RPS6KC1: variants seen among roughly 807,000 people sequenced by gnomAD.
RPS6KC1 encodes the protein ribosomal protein S6 kinase C1.
In RPS6KC1, 54 loss-of-function variants were observed where a neutral mutation model predicts 103.8. The ratio of observed to expected loss-of-function variants is 0.52; its 90% CI spans 0.42 to 0.65. RPS6KC1 has a LOEUF of 0.65. Among genes scored for constraint, RPS6KC1 ranks in the 30% least tolerant of loss-of-function variants. The pLI is 0.00. For missense variants in RPS6KC1, 1,151 were observed against 1,253.8 expected, an observed-to-expected ratio of 0.92 and a Z score of 1.24; for synonymous variants, 439 against 438.7, an observed-to-expected ratio of 1.00 and a Z score of -0.01.
chr1:213,626,055 A>G, the RPS6KC1 span, among the ~76,000 whole-genome samples: 1 of 152,158 alleles, frequency 6.6e-6, no homozygotes, highest in African/African-American at 2.4e-5. Context: ...AACAGTGTAA[A>G]AGTGTTCCTA....
At chr1:213,778,273 A>G in the RPS6KC1 span, among the ~76,000 whole-genome samples, 1 of 152,166 alleles carries the variant, frequency 6.6e-6, no homozygotes, top group Non-Finnish European at 1.5e-5. Context: ...CCGGGTGGCT[A>G]TTTTATTCCA....
chr1:213,612,439 G>T, the RPS6KC1 span, among the ~76,000 whole-genome samples: 3 of 152,158 alleles, frequency 2.0e-5, no homozygotes, highest in Admixed American at 2.0e-4. Context: ...GAAATAGAAG[G>T]CCCAAGTATA....
At chr1:213,111,197 T>G (rs1187241808) in intron 4 of RPS6KC1, among the ~76,000 whole-genome samples, 1 of 152,174 alleles carries the variant, frequency 6.6e-6, no homozygotes, top group East Asian at 1.9e-4. Context: ...AATGGTGGTT[T>G]TGACAGATTT....
chr1:213,328,297 G>A, the RPS6KC1 span, among the ~76,000 whole-genome samples: 2 of 151,960 alleles, frequency 1.3e-5, no homozygotes, highest in African/African-American at 2.4e-5. Flanking sequence ...GCTGTGCTGT[G>A]ATACCATAAC....
intron 3 of RPS6KC1, among the ~76,000 whole-genome samples, chr1:213,091,218 C>T (rs2080933663): frequency 6.6e-6 from 1 of 152,056 alleles, no homozygotes. Context: ...CCACCACGCC[C>T]AGCTAATTTT....
the RPS6KC1 span, among the ~76,000 whole-genome samples, chr1:213,577,928 A>C: frequency 6.6e-6 from 1 of 152,236 alleles, no homozygotes; most frequent in Non-Finnish European, 1.5e-5. Flanking sequence ...TGCATAAGTA[A>C]CGAGGAGCCG....
chr1:213,516,563 C>T, the RPS6KC1 span, among the ~76,000 whole-genome samples: 1 of 152,180 alleles, frequency 6.6e-6, no homozygotes, highest in African/African-American at 2.4e-5. Context: ...ACCAACCTTG[C>T]ATCCCAGGGA....
intron 8 of RPS6KC1, among the ~76,000 whole-genome samples, chr1:213,229,763 CT>C (rs1384986970): frequency 6.6e-6 from 1 of 152,056 alleles, no homozygotes; most frequent in Non-Finnish European, 1.5e-5. Flanking sequence ...TGGGCTTAAG[CT>C]TTTTCTCTCA....
the RPS6KC1 span, among the ~76,000 whole-genome samples, chr1:213,663,587 C>G: frequency 6.6e-6 from 1 of 152,200 alleles, no homozygotes; most frequent in African/African-American, 2.4e-5. Flanking sequence ...ATGAAGCATC[C>G]CTTGTTCAAA....
At chr1:213,415,735 C>T in the RPS6KC1 span, among the ~76,000 whole-genome samples, 13 of 152,148 alleles carry the variant, frequency 8.5e-5, no homozygotes, top group Admixed American at 8.5e-4. Context: ...TCCCTATCAC[C>T]ATTATTATAA....
chr1:213,121,484 T>C (rs1401402202), intron 5 of RPS6KC1, among the ~76,000 whole-genome samples: 1 of 152,226 alleles, frequency 6.6e-6, no homozygotes, highest in East Asian at 1.9e-4. Context: ...AAAGAAGATG[T>C]AATTGGTTGC....
At chr1:213,855,419 C>A in the RPS6KC1 span, among the ~76,000 whole-genome samples, 1 of 152,188 alleles carries the variant, frequency 6.6e-6, no homozygotes, top group Non-Finnish European at 1.5e-5. Flanking sequence ...AACTCCACAA[C>A]CTTGTCACCT....
the RPS6KC1 span, among the ~76,000 whole-genome samples, chr1:213,334,160 C>A: frequency 6.6e-6 from 1 of 152,166 alleles, no homozygotes; most frequent in Admixed American, 6.5e-5. Flanking sequence ...TAATGCTTCA[C>A]ATGAATGAAC....
the RPS6KC1 span, among the ~76,000 whole-genome samples, chr1:213,605,611 T>A: frequency 6.6e-6 from 1 of 152,252 alleles, no homozygotes; most frequent in Non-Finnish European, 1.5e-5. Context: ...TTTGTATTAA[T>A]TGTAACCCCA....
chr1:213,846,379 C>T, the RPS6KC1 span, among the ~76,000 whole-genome samples: 12 of 152,210 alleles, frequency 7.9e-5, no homozygotes, highest in South Asian at 1.7e-3. Context: ...ATACCCAATG[C>T]GCTCCCCACT....
At chr1:213,682,712 T>C in the RPS6KC1 span, among the ~76,000 whole-genome samples, 2 of 152,256 alleles carry the variant, frequency 1.3e-5, no homozygotes, top group Admixed American at 6.5e-5. Context: ...AAAAAATCCA[T>C]GCTTTTTCTT....
chr1:213,708,405 G>A, the RPS6KC1 span, among the ~76,000 whole-genome samples: 944 of 152,286 alleles, frequency 6.2e-3, 8 homozygotes, highest in Non-Finnish European at 9.5e-3. Flanking sequence ...AGACTTTGCT[G>A]AAGTTGCTTA....
the RPS6KC1 span, among the ~76,000 whole-genome samples, chr1:213,704,319 C>T: frequency 5.4e-5 from 7 of 129,830 alleles, no homozygotes; most frequent in Non-Finnish European, 7.8e-5. Context: ...CCCCAGGGGG[C>T]GGAGCCTGCA....
chr1:213,744,447 C>T, the RPS6KC1 span, among the ~76,000 whole-genome samples: 2 of 152,210 alleles, frequency 1.3e-5, no homozygotes, highest in Admixed American at 6.5e-5. Context: ...AAATGTGTCT[C>T]CCTATTGCCC....
Sources: allele counts gnomAD v4.1 joint callset (sites outside exome capture counted in the v4.1 genomes callset), GRCh38; gene constraint gnomAD v4.1.1; transcripts MANE v1.5; gene names NCBI Gene and HGNC (gene_info 2026-07-23, HGNC 2026-07-21).